The following ZNF776 variants were observed in gnomAD, a reference collection of about 807,000 sequenced individuals.
The protein encoded by ZNF776 is zinc finger protein 776.
In ZNF776, 4 loss-of-function variants were observed where a neutral mutation model predicts 7.0. That is an observed-to-expected ratio of 0.57 (90% CI 0.28 to 1.31). ZNF776 has a LOEUF of 1.31. Among genes scored for constraint, ZNF776 ranks in the 50% most tolerant of loss-of-function variants. The pLI, the probability that ZNF776 is intolerant of heterozygous loss-of-function variation, is 0.10. For missense variants in ZNF776, 555 were observed against 625.9 expected (o/e 0.89, Z 1.21); for synonymous variants, 212 against 213.7 (o/e 0.99, Z 0.07).
In ZNF776 at chr19:57,755,349, G is replaced by A. The variant is rs1986747046; in HGVS notation, c.*662G>A. The A allele has an allele frequency of 6.6e-6, 1 of 152,430 alleles. No individual in the cohort carries two copies. Among genetic ancestry groups the A allele is most frequent in the Admixed American group, 6.5e-5 (1 of 15,298 alleles). The allele number at this position is 152,430 out of a possible 1,614,324, so 9.4% of individuals were successfully genotyped here. On this transcript the variant is annotated 3_prime_UTR_variant, in exon 3 of 3. Coordinates refer to ENST00000317178, the MANE Select transcript of ZNF776 (RefSeq NM_173632.4). ...ACTAGAGAAAGCCCTTCTCAGTGAA[G>A]TAAATTTGGAAAATTGATTAGTCAA...
At chr19:57,750,103 G>A (rs1439868543) in intron 1 of ZNF776, among the ~76,000 whole-genome samples, 1 of 151,886 alleles carries the variant, frequency 6.6e-6, no homozygotes, top group East Asian at 1.9e-4. Flanking sequence ...GGTGGCCATG[G>A]GCATGTGTCT....
At position 57,753,864 on chromosome 19, in the gene ZNF776, C is replaced by T. The variant is rs1407277426; in HGVS notation, c.734C>T (p.Thr245Ile). ...PYVCSDSGKFTSKSNSFNNHQ... is the reference protein window; with the variant it reads ...PYVCSDSGKFISKSNSFNNHQ... ...GTATGCAGTGATTCTGGGAAATTCA[C>T]TAGCAAAAGTAATAGTTTTAATAAT... The change falls in exon 3 of 3, where the codon ACT becomes ATT. Residue 245 changes from threonine (T) to isoleucine (I), a missense_variant. By Grantham distance (89) the Thr-to-Ile change is moderately conservative. Transcript: ENST00000317178. 6.2e-7 allele frequency: 1 copy of T among 1,614,202 alleles called. No individual in the cohort carries two copies. The highest frequency in any genetic ancestry group is 1.7e-5 in the Admixed American group (1 of 60,022).
chr19:57,753,329 CA>C lies in ZNF776; in HGVS notation c.200del (p.Gln67ArgfsTer47). The C allele has an allele frequency of 2.5e-6, 4 of 1,613,800 alleles. No homozygotes were observed. The highest frequency in any genetic ancestry group is 3.4e-6 in the Non-Finnish European group (4 of 1,179,898). On this transcript the variant is annotated frameshift_variant, in exon 3 of 3. Transcript: ENST00000317178. LOFTEE classifies it low-confidence loss of function (END_TRUNC). ...YGAKDETPSK[Q>X]TLSIQQESPL... is the part of the protein sequence containing the mutation. Reference sequence around the variant, plus strand: ...AGCAAAAGACGAGACACCTTCTAAGCAGACCCTTTCTATACAACAGGAGTCC... The same window carrying C: ...AGCAAAAGACGAGACACCTTCTAAGCGACCCTTTCTATACAACAGGAGTCC...
chr19:57,753,525 A>T lies in ZNF776; in HGVS notation c.395A>T (p.Asp132Val). The T allele has an allele frequency of 6.2e-7, 1 of 1,614,242 alleles. No homozygotes were observed. The highest frequency in any genetic ancestry group is 8.5e-7 in the Non-Finnish European group (1 of 1,180,034). The change falls in exon 3 of 3, where the codon GAC (aspartate) becomes GTC (valine). Residue 132 changes from aspartate to valine, a missense_variant. By Grantham distance (152) the Asp-to-Val change is radical (BLOSUM62 -3). Transcript: ENST00000317178. ...GATGACGATGCAAACCATCATCAAG[A>T]CCAGAAGCAGCACATTGGAGAGAAA... Reference protein sequence around the residue: ...KLDDDANHHQDQKQHIGEKSY... With the variant: ...KLDDDANHHQVQKQHIGEKSY...
chr19:57,750,634 C>T (rs1986572038), intron 1 of ZNF776, 151 bp from the exon 2 acceptor site: 2 of 1,014,900 alleles, frequency 2.0e-6, no homozygotes, highest in East Asian at 3.0e-5. Context: ...GATGGCTGTA[C>T]ACCATGACCA....
In ZNF776 at chr19:57,757,943, C is replaced by G. The variant is rs950008102; in HGVS notation, c.*3256C>G. On this transcript the variant is annotated 3_prime_UTR_variant, in exon 3 of 3. Transcript: ENST00000317178. The stretch of plus-strand genomic sequence containing the variant: ...CCTGAGCCCTATTTATTTAGATGTT[C>G]TTCTTTTTTCTTTATTATTATTTTT... 3.3e-5 allele frequency: 5 copies of G among 152,006 alleles called. No individual in the cohort carries two copies. Among genetic ancestry groups the G allele is most frequent in the South Asian group, 2.1e-4 (1 of 4,830 alleles). 9.4% of individuals were successfully genotyped at this position (152,006 alleles called of 1,614,324 possible).
At position 57,751,768 on chromosome 19, in the gene ZNF776, T is replaced by C. The variant is rs78352862; in HGVS notation, c.160+857T>C. On this transcript the variant is annotated intron_variant, in intron 2 of 2. Coordinates refer to ENST00000317178, the MANE Select transcript of ZNF776 (RefSeq NM_173632.4). ...ATGGTTCACTTCATTCTCAGCCTTC[T>C]GGGCTCAAGTAATCCTCCCACCTGA... 8.0e-3 allele frequency among the ~76,000 whole-genome samples: 1,209 copies of C among 151,634 alleles called. 17 individuals carry two copies. The highest frequency in any genetic ancestry group is 0.027 in the African/African-American group (1,131 of 41,412).
chr19:57,750,324 C>T (rs1019236682), intron 1 of ZNF776, among the ~76,000 whole-genome samples: 16 of 150,854 alleles, frequency 1.1e-4, no homozygotes, highest in African/African-American at 2.0e-4. Context: ...CCCATCTACT[C>T]GGGAGGCTAA....
chr19:57,747,376 C>T (rs1986467180), intron 1 of ZNF776, among the ~76,000 whole-genome samples: 1 of 152,168 alleles, frequency 6.6e-6, no homozygotes, highest in Non-Finnish European at 1.5e-5. Flanking sequence ...AGAGCTCCTC[C>T]TGGAAGAGCA....
rs191235361 is a variant in ZNF776, at chr19:57,748,435, A to C, written c.33+1344A>C. ...CAGAGACGAATAAGTGTAGGCATCA[A>C]ATGGCTATGGACATGCAGGTTGGGG... On this transcript the variant is annotated intron_variant, in intron 1 of 2. Coordinates refer to ENST00000317178, the MANE Select transcript of ZNF776 (RefSeq NM_173632.4). Among the ~76,000 whole-genome samples the C allele has an allele frequency of 2.2e-3, 333 of 152,338 alleles. 2 individuals are homozygous for C. The highest frequency in any genetic ancestry group is 7.5e-3 in the African/African-American group (313 of 41,574).
In ZNF776 at chr19:57,746,961, A is replaced by G. The variant is rs1194359884; in HGVS notation, c.-98A>G. 4 of 1,286,534 alleles carry G rather than the reference A, an allele frequency of 3.1e-6. No homozygotes were observed. The highest frequency in any genetic ancestry group is 4.3e-6 in the Non-Finnish European group (4 of 937,650). 79.7% of individuals were successfully genotyped at this position (1,286,534 alleles called of 1,614,324 possible). ...TGCTCTGCAGCTCCTTAAAGGCGCT[A>G]GGCGTGACCCGCACCAAGGCCGGGA... On this transcript the variant is annotated 5_prime_UTR_variant, in exon 1 of 3. Transcript: ENST00000317178.
chr19:57,757,823 A>G lies in ZNF776; in HGVS notation c.*3136A>G, dbSNP rs1986822228. ...TCTCCATGCTCCAGACAATCACTGA[A>G]TTACAATATTTGCTTAACAGTAGAT... is the stretch of plus-strand genomic sequence containing the variant. On this transcript the variant is annotated 3_prime_UTR_variant, in exon 3 of 3. Coordinates refer to ENST00000317178, the MANE Select transcript of ZNF776 (RefSeq NM_173632.4). 6.6e-6 allele frequency: 1 copy of G among 152,202 alleles called. No individual in the cohort carries two copies. Among genetic ancestry groups the G allele is most frequent in the Middle Eastern group, 3.2e-3 (1 of 316 alleles). The allele number at this position is 152,202 out of a possible 1,614,324, so 9.4% of individuals were successfully genotyped here.
Position 57,755,080 on chromosome 19 carries a change from A to C in ZNF776, c.*393A>C. On this transcript the variant is annotated 3_prime_UTR_variant, in exon 3 of 3. Coordinates refer to ENST00000317178, the MANE Select transcript of ZNF776 (RefSeq NM_173632.4). ...ATTACTATTCATCAGATAATTTACA[A>C]TGGAGAAAGGCCACATAATAATTTC... The C allele has an allele frequency of 5.3e-6, 1 of 189,226 alleles. No homozygotes were observed. The highest frequency in any genetic ancestry group is 1.1e-5 in the Non-Finnish European group (1 of 90,660). The allele number at this position is 189,226 out of a possible 1,614,324, so 11.7% of individuals were successfully genotyped here.
intron 1 of ZNF776, among the ~76,000 whole-genome samples, chr19:57,748,238 G>A (rs1036630973): frequency 6.6e-6 from 1 of 152,176 alleles, no homozygotes. Context: ...CAGCATCTAG[G>A]TTTCCTAATA....
chr19:57,758,020 AGT>A lies in ZNF776; in HGVS notation c.*3334_*3335del, dbSNP rs2122531550. 1 of 152,280 alleles carries A rather than the reference AGT, an allele frequency of 6.6e-6. No individual in the cohort carries two copies. Among genetic ancestry groups the A allele is most frequent in the African/African-American group, 2.4e-5 (1 of 41,570 alleles). The allele number at this position is 152,280 out of a possible 1,614,324, so 9.4% of individuals were successfully genotyped here. ...TGACATTCATCAATCATGATATATG[AGT>A]AGTTCATTCTTTTTATCTTAGAATA... On this transcript the variant is annotated 3_prime_UTR_variant, in exon 3 of 3. Coordinates refer to ENST00000317178, the MANE Select transcript of ZNF776 (RefSeq NM_173632.4).
chr19:57,753,383 T>G lies in ZNF776; in HGVS notation c.253T>G (p.Cys85Gly), dbSNP rs201309717. The G allele has an allele frequency of 3.7e-6, 6 of 1,614,082 alleles. No individual in the cohort carries two copies. The highest frequency in any genetic ancestry group is 1.6e-4 in the Middle Eastern group (1 of 6,084). Reference sequence around the variant, plus strand: ...ACTCAGGACACATTGGACAGGTGTATGTACCAAGAAGGTCCACCTCTGGGG... The same window carrying G: ...ACTCAGGACACATTGGACAGGTGTAGGTACCAAGAAGGTCCACCTCTGGGG... ...SPLRTHWTGV[C>G]TKKVHLWGMC... Residue 85 changes from cysteine to glycine, a missense_variant, in exon 3 of 3, where the codon TGT (cysteine) becomes GGT (glycine). Transcript: ENST00000317178.
At position 57,754,984 on chromosome 19, in the gene ZNF776, A is replaced by G. The variant is rs1986734370; in HGVS notation, c.*297A>G. ...AAGAAGTCCCACCTCACTGAACACT[A>G]CTGAGTTCACAGTTGAGAAAGGCCA... On this transcript the variant is annotated 3_prime_UTR_variant, in exon 3 of 3. Coordinates refer to ENST00000317178, the MANE Select transcript of ZNF776 (RefSeq NM_173632.4). 2 of 393,048 alleles carry G rather than the reference A, an allele frequency of 5.1e-6. No individual in the cohort carries two copies. Among genetic ancestry groups the G allele is most frequent in the East Asian group, 4.7e-5 (1 of 21,102 alleles). 24.3% of individuals were successfully genotyped at this position (393,048 alleles called of 1,614,324 possible). A position where few individuals can be genotyped will look rare whatever the true frequency, so the allele number is the denominator to read the frequency against.
At chr19:57,747,864 A>G (rs890742998) in intron 1 of ZNF776, among the ~76,000 whole-genome samples, 45 of 133,432 alleles carry the variant, frequency 3.4e-4, no homozygotes, top group Admixed American at 1.5e-3. Context: ...TTTTTTTTTA[A>G]GTTTTTTGAT....
intron 1 of ZNF776, 122 bp downstream of exon 1, chr19:57,747,213 C>T: frequency 3.6e-6 from 4 of 1,097,142 alleles, no homozygotes; most frequent in Non-Finnish European, 5.2e-6. Context: ...CACTGAGGCG[C>T]TCTCTATGGG....
Sources: gnomAD v4.1 joint callset for allele counts (sites outside exome capture counted in the v4.1 genomes callset) on GRCh38, gnomAD v4.1.1 for gene constraint, MANE v1.5 for transcripts, NCBI Gene and HGNC (gene_info 2026-07-23, HGNC 2026-07-21) for gene names.